The following CAMK4 variants were observed in gnomAD, a reference collection of about 807,000 sequenced individuals.
The protein encoded by CAMK4 is calcium/calmodulin dependent protein kinase IV.
A neutral mutation model predicts 44.9 loss-of-function variants in CAMK4; 22 were observed. The observed-to-expected ratio is 0.49, with a 90% CI of 0.35 to 0.70. The LOEUF is 0.70. Ranked by LOEUF, CAMK4 falls within the 30% of genes least tolerant of loss-of-function variation. CAMK4 has a pLI of 0.01. For synonymous variants in CAMK4, 218 were observed against 215.4 expected, an observed-to-expected ratio of 1.01 and a Z score of -0.11; for missense variants, 498 against 586.8, an observed-to-expected ratio of 0.85 and a Z score of 1.56.
At chr5:111,453,292 G>A (rs115189171) in intron 7 of CAMK4, among the ~76,000 whole-genome samples, 1,708 of 152,228 alleles carry the variant, frequency 0.011, 26 homozygotes, top group African/African-American at 0.039. Context: ...CTAGAGCAGA[G>A]GCAATATCTA....
At chr5:111,353,299 A>G (rs186641302) in intron 2 of CAMK4, among the ~76,000 whole-genome samples, 1 of 147,632 alleles carries the variant, frequency 6.8e-6, no homozygotes, top group African/African-American at 2.5e-5. Flanking sequence ...CTAGCTACCC[A>G]CAACCACCGA....
At chr5:111,483,648 G>A (rs750505063) in intron 10 of CAMK4, among the ~76,000 whole-genome samples, 4 of 152,076 alleles carry the variant, frequency 2.6e-5, no homozygotes, top group Non-Finnish European at 4.4e-5. Context: ...GTTTGATCAC[G>A]GAACTCTTAT....
intron 1 of CAMK4, among the ~76,000 whole-genome samples, chr5:111,313,948 T>A (rs1307256639): frequency 1.3e-5 from 2 of 152,130 alleles, no homozygotes; most frequent in African/African-American, 4.8e-5. Flanking sequence ...TGCAATAATT[T>A]GTATGGGTAT....
intron 5 of CAMK4, among the ~76,000 whole-genome samples, chr5:111,402,436 A>C (rs73787123): frequency 0.015 from 2,219 of 152,372 alleles, 48 homozygotes; most frequent in African/African-American, 0.051. Context: ...AAATAAGAGA[A>C]GTAACACAAA....
At chr5:111,327,644 A>G (rs931785284) in intron 1 of CAMK4, among the ~76,000 whole-genome samples, 13 of 151,440 alleles carry the variant, frequency 8.6e-5, no homozygotes, top group African/African-American at 1.2e-4. Flanking sequence ...AAATGTTCCT[A>G]TTTCTCCACA....
At position 111,438,589 on chromosome 5, in the gene CAMK4, T is replaced by C. The variant is rs1479863837; in HGVS notation, c.460-8097T>C. Among the ~76,000 whole-genome samples, 4 of 152,320 alleles carry C rather than the reference T, an allele frequency of 2.6e-5. No individual in the cohort carries two copies. In the East Asian group the frequency reaches 5.8e-4, roughly 22 times the overall value. ...GATTAATCATAATTTTTTACATTCA[T>C]GTATACTCCTTTATGCTATAAAAAG... On this transcript the variant is annotated intron_variant, in intron 5 of 10. Transcript: ENST00000282356.
chr5:111,259,875 A>G (rs1454480374), intron 1 of CAMK4, among the ~76,000 whole-genome samples: 1 of 152,192 alleles, frequency 6.6e-6, no homozygotes, highest in Non-Finnish European at 1.5e-5. Flanking sequence ...GAAAAATATA[A>G]AACATATGTG....
intron 1 of CAMK4, among the ~76,000 whole-genome samples, chr5:111,259,266 A>G (rs887264060): frequency 6.6e-6 from 1 of 152,242 alleles, no homozygotes; most frequent in African/African-American, 2.4e-5. Context: ...AGAATTTAAT[A>G]TTTAACTACT....
intron 1 of CAMK4, among the ~76,000 whole-genome samples, chr5:111,316,205 T>C (rs1748415641): frequency 6.6e-6 from 1 of 152,144 alleles, no homozygotes; most frequent in African/African-American, 2.4e-5. Flanking sequence ...CCCTTGGCCA[T>C]TCCTGCTCCA....
intron 1 of CAMK4, among the ~76,000 whole-genome samples, chr5:111,256,893 G>A (rs1244720561): frequency 6.6e-6 from 1 of 152,186 alleles, no homozygotes; most frequent in African/African-American, 2.4e-5. Context: ...AGTCATGCCA[G>A]CAACATTCCA....
chr5:111,433,036 A>T (rs1347741976), intron 5 of CAMK4, among the ~76,000 whole-genome samples: 1 of 152,184 alleles, frequency 6.6e-6, no homozygotes, highest in East Asian at 1.9e-4. Flanking sequence ...GGCAGAGAAA[A>T]TGATTCATTT....
At chr5:111,465,040 G>T (rs773069048) in intron 7 of CAMK4, among the ~76,000 whole-genome samples, 19 of 152,104 alleles carry the variant, frequency 1.2e-4, no homozygotes, top group Non-Finnish European at 2.6e-4. Context: ...CGTATATTGA[G>T]CCAGACATCT....
chr5:111,343,536 C>T (rs1749730200), intron 1 of CAMK4, among the ~76,000 whole-genome samples: 1 of 151,866 alleles, frequency 6.6e-6, no homozygotes, highest in Admixed American at 6.6e-5. Flanking sequence ...TTACCATCTC[C>T]TCTACACGTT....
At chr5:111,467,225 A>G (rs1434149809) in intron 7 of CAMK4, among the ~76,000 whole-genome samples, 2 of 152,172 alleles carry the variant, frequency 1.3e-5, no homozygotes, top group African/African-American at 4.8e-5. Context: ...ACCTAACACC[A>G]TAAAAATTAT....
chr5:111,238,080 G>A (rs1210057889), intron 1 of CAMK4, among the ~76,000 whole-genome samples: 1 of 152,176 alleles, frequency 6.6e-6, no homozygotes, highest in Non-Finnish European at 1.5e-5. Flanking sequence ...GTGGGAAGCA[G>A]AGAGGCAGAC....
intron 1 of CAMK4, among the ~76,000 whole-genome samples, chr5:111,246,093 A>G (rs1047552716): frequency 2.6e-5 from 4 of 152,186 alleles, no homozygotes; most frequent in Non-Finnish European, 5.9e-5. Context: ...TTATGTGTGG[A>G]CGTGTTTTTC....
chr5:111,366,160 G>A (rs763572793), intron 2 of CAMK4, among the ~76,000 whole-genome samples: 5 of 152,090 alleles, frequency 3.3e-5, no homozygotes, highest in Admixed American at 6.6e-5. Context: ...GATTTGAAGA[G>A]CACAATTATG....
At chr5:111,238,093 A>G (rs1748812151) in intron 1 of CAMK4, among the ~76,000 whole-genome samples, 1 of 152,170 alleles carries the variant, frequency 6.6e-6, no homozygotes, top group Non-Finnish European at 1.5e-5. Context: ...AGGCAGACAC[A>G]GGGCTGAGGG....
Position 111,417,810 on chromosome 5 carries a change from A to G in CAMK4, c.459+23028A>G, listed in dbSNP as rs913789017. Among the ~76,000 whole-genome samples, 15 of 152,348 alleles carry G rather than the reference A, an allele frequency of 9.8e-5. 1 individual carries two copies. In the East Asian group the frequency reaches 1.3e-3, roughly 14 times the overall value. On this transcript the variant is annotated intron_variant, in intron 5 of 10. Transcript: ENST00000282356. The stretch of plus-strand genomic sequence containing the variant: ...ACACTTGCTAAGCCTTGTATTATCT[A>G]ATAATTCAAAACGTCCATTTATTAC...
Sources: allele counts gnomAD v4.1 joint callset (sites outside exome capture counted in the v4.1 genomes callset), GRCh38; gene constraint gnomAD v4.1.1; transcripts MANE v1.5; gene names NCBI Gene and HGNC (gene_info 2026-07-23, HGNC 2026-07-21).